Variants in TCF12 observed in about 807,000 individuals in gnomAD.
TCF12 encodes transcription factor 12, also known as DNA-binding protein HTF4.
Under a neutral mutation model 86.0 loss-of-function variants are expected in TCF12, and 45 were observed. The ratio of observed to expected loss-of-function variants is 0.52; its 90% confidence interval spans 0.41 to 0.67. The LOEUF (loss-of-function observed/expected upper bound fraction) is 0.67. Among genes scored for constraint, TCF12 ranks in the 30% least tolerant of loss-of-function variants. The pLI, the probability that TCF12 is intolerant of heterozygous loss-of-function variation, is 0.00. For synonymous variants in TCF12, 330 were observed against 299.6 expected, an observed-to-expected ratio of 1.10 and a Z score of -1.05; for missense variants, 881 against 859.9, an observed-to-expected ratio of 1.02 and a Z score of -0.31.
chr15:57,162,702 G>C (rs560218781), intron 5 of TCF12, among the ~76,000 whole-genome samples: 1 of 152,034 alleles, frequency 6.6e-6, no homozygotes, highest in African/African-American at 2.4e-5. Flanking sequence ...TAAAACTTTA[G>C]GTTTTTTAAA....
chr15:57,115,774 C>T (rs1044296318), intron 5 of TCF12, among the ~76,000 whole-genome samples: 4 of 151,950 alleles, frequency 2.6e-5, no homozygotes, highest in Admixed American at 1.3e-4. Context: ...TGTGGTGTAC[C>T]ATGGATGACA....
At chr15:57,239,600 T>A (rs2059527274) in intron 12 of TCF12, among the ~76,000 whole-genome samples, 1 of 151,202 alleles carries the variant, frequency 6.6e-6, no homozygotes, top group Admixed American at 6.6e-5. Context: ...ACTAGAAATA[T>A]AAACACTTAA....
At chr15:57,143,695 C>T (rs114901190) in intron 5 of TCF12, among the ~76,000 whole-genome samples, 250 of 152,280 alleles carry the variant, frequency 1.6e-3, no homozygotes, top group African/African-American at 5.5e-3. Context: ...TGCCTATACA[C>T]ATGAGTGTAC....
chr15:57,028,719 AC>A (rs1383965166), intron 3 of TCF12, among the ~76,000 whole-genome samples: 1 of 152,198 alleles, frequency 6.6e-6, no homozygotes, highest in African/African-American at 2.4e-5. Context: ...TGTCTAAAAA[AC>A]ATCTTTGCTT....
At chr15:56,977,505 G>T (rs1358307340) in intron 3 of TCF12, among the ~76,000 whole-genome samples, 1 of 152,042 alleles carries the variant, frequency 6.6e-6, no homozygotes, top group East Asian at 1.9e-4. Flanking sequence ...CCTCCACTCT[G>T]AACGGAATTA....
intron 8 of TCF12, among the ~76,000 whole-genome samples, chr15:57,220,997 T>TG (rs1179838390): frequency 2.6e-5 from 4 of 152,184 alleles, no homozygotes; most frequent in African/African-American, 9.7e-5. Flanking sequence ...GGTTGTCTCT[T>TG]CCCTTTTCAT....
intron 16 of TCF12, among the ~76,000 whole-genome samples, chr15:57,255,993 C>A (rs1432740370): frequency 6.6e-6 from 1 of 152,198 alleles, no homozygotes; most frequent in Non-Finnish European, 1.5e-5. Flanking sequence ...TGCCAGAAAT[C>A]ATCTGCTATC....
In TCF12 at chr15:57,019,567, A is replaced by G. The variant is rs113959831; in HGVS notation, c.149-44183A>G. Among the ~76,000 whole-genome samples the G allele has an allele frequency of 8.5e-5, 13 of 152,254 alleles. 1 individual carries two copies. The highest frequency in any genetic ancestry group is 2.9e-4 in the African/African-American group (12 of 41,574). On this transcript the variant is annotated intron_variant, in intron 3 of 20. Coordinates refer to ENST00000333725, the MANE Select transcript of TCF12 (RefSeq NM_207037.2). ...TTGCTGATTGGTTGAGGATGAAATT[A>G]TAGGGGTACGGAAAAACGGTCTTCA...
chr15:57,110,486 G>C (rs2050411795), intron 5 of TCF12, among the ~76,000 whole-genome samples: 1 of 152,170 alleles, frequency 6.6e-6, no homozygotes. Flanking sequence ...TGCCAGTTGA[G>C]AAACTGGCGT....
intron 6 of TCF12, 99 bp from the exon 7 acceptor site, chr15:57,192,059 A>G (rs1329185137): frequency 8.0e-6 from 11 of 1,376,102 alleles, no homozygotes; most frequent in Non-Finnish European, 1.1e-5. Flanking sequence ...CTAAGTTAAG[A>G]CATTGCTGAA....
At chr15:57,097,455 G>A (rs1449617064) in intron 5 of TCF12, among the ~76,000 whole-genome samples, 1 of 152,168 alleles carries the variant, frequency 6.6e-6, no homozygotes, top group East Asian at 1.9e-4. Flanking sequence ...TTGAGCTGGG[G>A]AGGTGGAGAT....
At chr15:57,251,123 A>G in intron 13 of TCF12, 1 of 428,250 alleles carries the variant, frequency 2.3e-6, no homozygotes, top group Non-Finnish European at 4.2e-6. Flanking sequence ...CTGTATTTAA[A>G]ATTACAGGGT....
At chr15:57,094,403 A>G (rs1567409725) in intron 5 of TCF12, among the ~76,000 whole-genome samples, 4 of 152,316 alleles carry the variant, frequency 2.6e-5, no homozygotes, top group Middle Eastern at 3.4e-3. Context: ...CTGCACGACA[A>G]TAGCTTGCTT....
At chr15:57,134,878 G>A (rs2052406375) in intron 5 of TCF12, among the ~76,000 whole-genome samples, 1 of 144,144 alleles carries the variant, frequency 6.9e-6, no homozygotes, top group South Asian at 2.3e-4. Context: ...ACAGTTTGAG[G>A]GTTTTTGTGT....
intron 3 of TCF12, among the ~76,000 whole-genome samples, chr15:56,947,265 G>T (rs1433353591): frequency 6.6e-6 from 1 of 152,064 alleles, no homozygotes; most frequent in African/African-American, 2.4e-5. Context: ...TTACAACTCT[G>T]GTTGTTTTTC....
intron 3 of TCF12, among the ~76,000 whole-genome samples, chr15:56,964,075 A>T (rs1168385675): frequency 1.3e-5 from 2 of 152,186 alleles, no homozygotes; most frequent in Admixed American, 6.5e-5. Flanking sequence ...ACTTGAGCGC[A>T]AATATGTTTT....
Position 57,177,608 on chromosome 15 carries a change from C to CAG in TCF12, c.390+11171_390+11172dup, listed in dbSNP as rs11270421. ...TAATGTCCTATTTTTGTTAAAAGGCCAGAGAGAGAGAGAGAGAGAGAGAGA... is the reference window on the plus strand; with the variant it reads ...TAATGTCCTATTTTTGTTAAAAGGCCAGAGAGAGAGAGAGAGAGAGAGAGAGA... On this transcript the variant is annotated intron_variant, in intron 6 of 20. Coordinates refer to ENST00000333725, the MANE Select transcript of TCF12 (RefSeq NM_207037.2). 3.9e-3 allele frequency among the ~76,000 whole-genome samples: 476 copies of CAG among 122,984 alleles called. 20 individuals carry two copies. The highest frequency in any genetic ancestry group is 0.011 in the African/African-American group (370 of 32,366). 80.7% of individuals were successfully genotyped at this position (122,984 alleles called of 152,430 possible). A position where few individuals can be genotyped will look rare whatever the true frequency, so the allele number is the denominator to read the frequency against.
In TCF12 at chr15:57,282,522, C is replaced by G. The variant is rs757971561; in HGVS notation, c.2056C>G (p.Pro686Ala). The G allele has an allele frequency of 7.5e-5, 121 of 1,614,110 alleles. No individual in the cohort carries two copies. Among genetic ancestry groups the G allele is most frequent in the Non-Finnish European group, 9.9e-5 (117 of 1,180,054 alleles). ...AGTTTCTGCCGTATCGGCAGAGCCGCCAACCACACTGCCAGGAACCCATCC... is the reference window on the plus strand; with the variant it reads ...AGTTTCTGCCGTATCGGCAGAGCCGGCAACCACACTGCCAGGAACCCATCC... Reference protein sequence around the residue: ...EKVSAVSAEPPTTLPGTHPGL... With the variant: ...EKVSAVSAEPATTLPGTHPGL... The change falls in exon 20 of 21, where the codon CCA (proline) becomes GCA (alanine). Residue 686 changes from proline to alanine, a missense_variant. Transcript: ENST00000333725.
intron 3 of TCF12, among the ~76,000 whole-genome samples, chr15:57,025,720 G>A (rs1467927920): frequency 1.3e-5 from 2 of 152,154 alleles, no homozygotes; most frequent in Non-Finnish European, 2.9e-5. Context: ...AGTAATTCAT[G>A]TACATCAGTT....
Sources: gnomAD v4.1 joint callset for allele counts (sites outside exome capture counted in the v4.1 genomes callset) on GRCh38, gnomAD v4.1.1 for gene constraint, MANE v1.5 for transcripts, NCBI Gene and HGNC (gene_info 2026-07-23, HGNC 2026-07-21) for gene names.